The following PCDHA2 variants were observed in gnomAD, a reference collection of about 807,000 sequenced individuals.
The protein encoded by PCDHA2 is protocadherin alpha 2.
In PCDHA2, 58 loss-of-function variants were observed where a neutral mutation model predicts 66.0. That is an observed-to-expected ratio of 0.88 (90% confidence interval 0.71 to 1.09). The LOEUF is 1.09. Among genes scored for constraint, PCDHA2 ranks in the 50% least tolerant of loss-of-function variants. PCDHA2 has a pLI of 0.00. For missense variants in PCDHA2, 1,267 were observed against 1,242.3 expected (o/e 1.02, Z -0.30); for synonymous variants, 634 against 554.0 (o/e 1.14, Z -2.03).
intron 1 of PCDHA2, chr5:140,815,867 A>C (rs1554126905): frequency 6.6e-6 from 1 of 152,114 alleles, no homozygotes; most frequent in African/African-American, 2.4e-5. Flanking sequence ...CTTGGCTGGC[A>C]GTTCTTTTTC....
chr5:140,909,010 G>C (rs2074261521), intron 1 of PCDHA2, among the ~76,000 whole-genome samples: 1 of 152,120 alleles, frequency 6.6e-6, no homozygotes, highest in South Asian at 2.1e-4. Flanking sequence ...GAGGTAGAAG[G>C]TTCCTGAATT....
At chr5:140,870,885 C>T (rs782085408) in intron 1 of PCDHA2, 13 of 1,613,918 alleles carry the variant, frequency 8.1e-6, no homozygotes, top group African/African-American at 1.3e-5. Flanking sequence ...CGAAGGTGCG[C>T]GCAGTGGATG....
At chr5:140,803,075 G>T (rs782240036) in intron 1 of PCDHA2, 1 of 1,613,830 alleles carries the variant, frequency 6.2e-7, no homozygotes, top group Non-Finnish European at 8.5e-7. Context: ...GCGTGGGGCT[G>T]TACACGGGAG....
chr5:140,968,737 C>T, intron 1 of PCDHA2: 2 of 1,614,148 alleles, frequency 1.2e-6, no homozygotes, highest in Non-Finnish European at 1.7e-6. Flanking sequence ...GCACTTTCAA[C>T]CTGACCGTGG....
At chr5:140,802,990 A>G (rs1462941214) in intron 1 of PCDHA2, 2 of 1,613,894 alleles carry the variant, frequency 1.2e-6, no homozygotes, top group Admixed American at 3.3e-5. Context: ...CGCGCAGTGG[A>G]TGCAGACTCA....
chr5:140,951,546 G>A (rs962043182), intron 1 of PCDHA2, among the ~76,000 whole-genome samples: 9 of 151,942 alleles, frequency 5.9e-5, no homozygotes, highest in Non-Finnish European at 8.8e-5. Context: ...CAAGGGACGG[G>A]GGGAAGTGCT....
rs1270383213 is a variant in PCDHA2 at position 140,835,905 on chromosome 5, G to A, written c.2388+38553G>A. 4 of 1,612,188 alleles carry A rather than the reference G, an allele frequency of 2.5e-6. No homozygotes were observed. In the East Asian group the frequency reaches 8.9e-5, roughly 36 times the overall value. ...GGGCGAGCGCGCGCTGTCGAGCTAC[G>A]TGTCAGTGCACGCGGAGAGCGGCAA... On this transcript the variant is annotated intron_variant, in intron 1 of 3. Transcript: ENST00000526136.
In PCDHA2 at chr5:140,850,163, G is replaced by A; in HGVS notation, c.2388+52811G>A. ...ACGTGACGCTGCAGGTGTTCGTGCTGGACGAGAACGACAATGCGCCGGCGC... is the reference window on the plus strand; with the variant it reads ...ACGTGACGCTGCAGGTGTTCGTGCTAGACGAGAACGACAATGCGCCGGCGC... On this transcript the variant is annotated intron_variant, in intron 1 of 3. Coordinates refer to ENST00000526136, the MANE Select transcript of PCDHA2 (RefSeq NM_018905.3). 14 of 1,594,908 alleles carry A rather than the reference G, an allele frequency of 8.8e-6. 2 individuals are homozygous for A. The highest frequency in any genetic ancestry group is 1.2e-5 in the Non-Finnish European group (14 of 1,167,784).
At chr5:140,967,085 C>T in intron 1 of PCDHA2, 1 of 1,613,198 alleles carries the variant, frequency 6.2e-7, no homozygotes, top group Non-Finnish European at 8.5e-7. Context: ...GCGCATTGAT[C>T]GGGAGGCGCT....
rs75040653 is a variant in PCDHA2 at position 140,982,339 on chromosome 5, T to G, written c.2448-136T>G. ...TGCAGGGTGACTGCTCAGCAGTAAT[T>G]GCTTCAGTTCAAGCATGAGCAGAAT... On this transcript the variant is annotated intron_variant, in intron 2 of 3. Transcript: ENST00000526136. The G allele has an allele frequency of 3.1e-3, 4,547 of 1,456,350 alleles. 58 individuals carry two copies. The East Asian group carries it at 0.042, about 14-fold the overall frequency. The allele number at this position is 1,456,350 out of a possible 1,614,324, so 90.2% of individuals were successfully genotyped here.
In PCDHA2 at chr5:140,925,595, A is replaced by G. The variant is rs145876147; in HGVS notation, c.2389-53354A>G. 2.8e-3 allele frequency among the ~76,000 whole-genome samples: 431 copies of G among 151,786 alleles called. 1 individual carries two copies. Among genetic ancestry groups the G allele is most frequent in the African/African-American group, 9.9e-3 (412 of 41,446 alleles). On this transcript the variant is annotated intron_variant, in intron 1 of 3. Coordinates refer to ENST00000526136, the MANE Select transcript of PCDHA2 (RefSeq NM_018905.3). ...ACACCAACATGGCGCATGTATACAT[A>G]TGTAACAAACCTGCACGTTGTGCAC...
intron 1 of PCDHA2, chr5:140,877,006 G>A: frequency 6.2e-7 from 1 of 1,612,484 alleles, no homozygotes; most frequent in Non-Finnish European, 8.5e-7. Flanking sequence ...GTCGGTGCAC[G>A]CGGAGAGCGG....
chr5:140,842,069 A>C (rs2150328859), intron 1 of PCDHA2: 5 of 1,613,784 alleles, frequency 3.1e-6, no homozygotes, highest in Non-Finnish European at 4.2e-6. Flanking sequence ...ATACGAAGTA[A>C]GAATATTCGA....
intron 1 of PCDHA2, chr5:140,813,264 A>C (rs1765257660): frequency 6.6e-6 from 1 of 152,168 alleles, no homozygotes; most frequent in African/African-American, 2.4e-5. Context: ...CAGTCATTGG[A>C]GATACATTCT....
At chr5:140,930,209 T>C (rs752393887) in intron 1 of PCDHA2, 4 of 152,266 alleles carry the variant, frequency 2.6e-5, no homozygotes, top group Non-Finnish European at 5.9e-5. Flanking sequence ...GAAATATTTA[T>C]GTGTTCAAAG....
intron 1 of PCDHA2, among the ~76,000 whole-genome samples, chr5:140,831,515 C>T (rs1771580711): frequency 2.3e-5 from 3 of 128,830 alleles, no homozygotes; most frequent in Admixed American, 1.7e-4. Flanking sequence ...CACCATGCCC[C>T]CCACCTTTTT....
At chr5:140,947,252 T>A (rs1554218120) in intron 1 of PCDHA2, among the ~76,000 whole-genome samples, 1 of 151,596 alleles carries the variant, frequency 6.6e-6, no homozygotes, top group Non-Finnish European at 1.5e-5. Flanking sequence ...GATAATCCAA[T>A]GTACCATTTG....
chr5:140,850,295 C>T (rs2150478300), intron 1 of PCDHA2: 1 of 1,596,420 alleles, frequency 6.3e-7, no homozygotes, highest in South Asian at 1.1e-5. Flanking sequence ...TGGACGCCGA[C>T]TCGGGCTACA....
chr5:140,842,600 G>C (rs1778125962), intron 1 of PCDHA2: 1 of 1,543,982 alleles, frequency 6.5e-7, no homozygotes. Flanking sequence ...GGTGGTAACC[G>C]CGCGGGACGG....
Sources: allele counts gnomAD v4.1 joint callset (sites outside exome capture counted in the v4.1 genomes callset), GRCh38; gene constraint gnomAD v4.1.1; transcripts MANE v1.5; gene names NCBI Gene and HGNC (gene_info 2026-07-23, HGNC 2026-07-21).